Variants in GALNT10 observed in about 807,000 individuals in gnomAD.
GALNT10 encodes GalNAc transferase 10.
In GALNT10, 41 loss-of-function variants were observed where a neutral mutation model predicts 75.0. That is an observed-to-expected ratio of 0.55 (90% confidence interval 0.43 to 0.71). The LOEUF is 0.71. Ranked by LOEUF, GALNT10 falls within the 30% of genes least tolerant of loss-of-function variation. GALNT10 has a pLI of 0.00. For synonymous variants in GALNT10, 302 were observed against 313.0 expected, an observed-to-expected ratio of 0.96 and a Z score of 0.37; for missense variants, 727 against 818.5, an observed-to-expected ratio of 0.89 and a Z score of 1.36.
chr5:154,289,049 C>G (rs997922788), intron 1 of GALNT10, among the ~76,000 whole-genome samples: 1 of 152,234 alleles, frequency 6.6e-6, no homozygotes, highest in Non-Finnish European at 1.5e-5. Context: ...GTTGCCTCTG[C>G]AGGACCCACA....
At chr5:154,373,600 T>C (rs1033878485) in intron 4 of GALNT10, among the ~76,000 whole-genome samples, 2 of 151,920 alleles carry the variant, frequency 1.3e-5, no homozygotes, top group East Asian at 3.9e-4. Flanking sequence ...AAGCAGGGGC[T>C]CTATAATTGT....
chr5:154,353,507 C>A (rs866592602), intron 4 of GALNT10, among the ~76,000 whole-genome samples: 3 of 152,196 alleles, frequency 2.0e-5, no homozygotes, highest in Admixed American at 2.0e-4. Flanking sequence ...TGAGCAACGT[C>A]CCTCAGGCGC....
At chr5:154,290,729 C>T (rs1446834554) in intron 1 of GALNT10, among the ~76,000 whole-genome samples, 3 of 152,184 alleles carry the variant, frequency 2.0e-5, no homozygotes, top group Non-Finnish European at 4.4e-5. Flanking sequence ...TGCAAGGTCA[C>T]ACTCAAGGGT....
chr5:154,207,795 G>T (rs1030548765), intron 1 of GALNT10, among the ~76,000 whole-genome samples: 3 of 152,134 alleles, frequency 2.0e-5, no homozygotes, highest in Admixed American at 2.0e-4. Context: ...ATTATTCCTG[G>T]CCCCAGGAGT....
chr5:154,359,696 A>C (rs979564156), intron 4 of GALNT10, among the ~76,000 whole-genome samples: 6 of 151,818 alleles, frequency 4.0e-5, no homozygotes, highest in Non-Finnish European at 7.4e-5. Flanking sequence ...TGTCACCACA[A>C]GCCAAGATTT....
At chr5:154,197,696 A>G (rs1475508838) in intron 1 of GALNT10, among the ~76,000 whole-genome samples, 2 of 152,210 alleles carry the variant, frequency 1.3e-5, no homozygotes, top group Non-Finnish European at 2.9e-5. Context: ...TGATGATGAT[A>G]TGGCTGATAA....
At chr5:154,392,265 T>G (rs11746823) in intron 7 of GALNT10, 9,615 of 152,262 alleles carry the variant, frequency 0.063, 370 homozygotes, top group African/African-American at 0.11. Flanking sequence ...TACCCCACAT[T>G]GCACTCCCAT....
intron 1 of GALNT10, among the ~76,000 whole-genome samples, chr5:154,290,602 C>T (rs559213766): frequency 2.2e-4 from 34 of 152,212 alleles, no homozygotes; most frequent in South Asian, 1.2e-3. Context: ...ATTAGGAGAG[C>T]GCTCAGGCTA....
At chr5:154,205,914 T>C (rs1298967058) in intron 1 of GALNT10, among the ~76,000 whole-genome samples, 1 of 152,234 alleles carries the variant, frequency 6.6e-6, no homozygotes, top group Non-Finnish European at 1.5e-5. Flanking sequence ...CCTCCAGAAC[T>C]GTGACGCAAT....
At chr5:154,404,384 C>A (rs1756229451) in intron 8 of GALNT10, among the ~76,000 whole-genome samples, 173 bp downstream of exon 8, 1 of 152,158 alleles carries the variant, frequency 6.6e-6, no homozygotes, top group African/African-American at 2.4e-5. Context: ...CCTACTTAAC[C>A]ATTCATTGCT....
intron 4 of GALNT10, among the ~76,000 whole-genome samples, chr5:154,335,850 T>C (rs1754938212): frequency 6.6e-6 from 1 of 152,168 alleles, no homozygotes; most frequent in Non-Finnish European, 1.5e-5. Context: ...ATCCATAGTT[T>C]ATATTAGGGT....
At chr5:154,371,380 T>C (rs1396687621) in intron 4 of GALNT10, among the ~76,000 whole-genome samples, 2 of 152,098 alleles carry the variant, frequency 1.3e-5, no homozygotes, top group Non-Finnish European at 2.9e-5. Flanking sequence ...TATGTCTTTT[T>C]GGGGGACATG....
At chr5:154,358,000 G>T (rs1237107411) in intron 4 of GALNT10, among the ~76,000 whole-genome samples, 1 of 152,132 alleles carries the variant, frequency 6.6e-6, no homozygotes, top group Non-Finnish European at 1.5e-5. Flanking sequence ...GAATGGTCAG[G>T]CAGGACCTCT....
At chr5:154,383,601 A>G (rs1755764459) in intron 6 of GALNT10, among the ~76,000 whole-genome samples, 2 of 152,208 alleles carry the variant, frequency 1.3e-5, no homozygotes, top group Non-Finnish European at 2.9e-5. Context: ...TAGAGCTGAT[A>G]TCCTGCCTAT....
At chr5:154,304,706 G>C (rs949301006) in intron 3 of GALNT10, among the ~76,000 whole-genome samples, 1 of 152,160 alleles carries the variant, frequency 6.6e-6, no homozygotes, top group African/African-American at 2.4e-5. Context: ...ATAATTGACT[G>C]TGTAACCAAG....
At chr5:154,336,887 A>C (rs1451567454) in intron 4 of GALNT10, among the ~76,000 whole-genome samples, 2 of 152,228 alleles carry the variant, frequency 1.3e-5, no homozygotes, top group Non-Finnish European at 2.9e-5. Context: ...TGTGAAAACC[A>C]TACTGGCCTC....
chr5:154,268,761 T>C (rs928295914), intron 1 of GALNT10, among the ~76,000 whole-genome samples: 1 of 152,208 alleles, frequency 6.6e-6, no homozygotes, highest in African/African-American at 2.4e-5. Flanking sequence ...TACTCTGGTA[T>C]AGGTCTTAAG....
intron 1 of GALNT10, among the ~76,000 whole-genome samples, chr5:154,249,702 C>A (rs1753485709): frequency 1.3e-5 from 2 of 152,166 alleles, no homozygotes; most frequent in African/African-American, 4.8e-5. Flanking sequence ...GAGGCACAAA[C>A]TCCCCATGTC....
intron 1 of GALNT10, among the ~76,000 whole-genome samples, chr5:154,248,869 G>C (rs1753472186): frequency 6.6e-6 from 1 of 152,214 alleles, no homozygotes; most frequent in Non-Finnish European, 1.5e-5. Flanking sequence ...AGAGGAGTCA[G>C]AGCGGGAGAG....
Sources: allele counts gnomAD v4.1 joint callset (sites outside exome capture counted in the v4.1 genomes callset), GRCh38; gene constraint gnomAD v4.1.1; transcripts MANE v1.5; gene names NCBI Gene and HGNC (gene_info 2026-07-23, HGNC 2026-07-21).